EFHC1: variants seen among roughly 807,000 people sequenced by gnomAD.
EFHC1 encodes the protein EF-hand domain containing 1.
In EFHC1, 53 loss-of-function variants were observed where a neutral mutation model predicts 69.9. That is an observed-to-expected ratio of 0.76 (90% CI 0.61 to 0.95). The LOEUF is 0.95. Ranked by LOEUF, EFHC1 falls within the 40% of genes least tolerant of loss-of-function variation. EFHC1 has a pLI of 0.00. For synonymous variants in EFHC1, 256 were observed against 278.4 expected, an observed-to-expected ratio of 0.92 and a Z score of 0.80; for missense variants, 739 against 798.7, an observed-to-expected ratio of 0.93 and a Z score of 0.90.
At chr6:52,463,441 C>G (rs772595680) in intron 5 of EFHC1, among the ~76,000 whole-genome samples, 1 of 152,202 alleles carries the variant, frequency 6.6e-6, no homozygotes, top group Non-Finnish European at 1.5e-5. Context: ...TCCAGCAGAT[C>G]CAGATAATCT....
In EFHC1 at chr6:52,438,549, T is replaced by C; in HGVS notation, c.531T>C (p.Tyr177=). Residue 177 remains tyrosine, a synonymous_variant, in exon 3 of 11, where the codon TAT becomes TAC. Coordinates refer to ENST00000371068, the MANE Select transcript of EFHC1 (RefSeq NM_018100.4). ...DLNRGINITI[Y]GKTFRVVDCD... is the part of the protein sequence containing the mutation. The stretch of plus-strand genomic sequence containing the variant: ...ATCGAGGAATAAACATCACAATTTA[T>C]GGCAAAACTTTCCGCGTTGTTGACT... 1 of 1,614,046 alleles carries C rather than the reference T, an allele frequency of 6.2e-7. No homozygotes were observed. The highest frequency in any genetic ancestry group is 1.1e-5 in the South Asian group (1 of 91,080).
At chr6:52,466,886 C>T (rs1302865682) in intron 6 of EFHC1, among the ~76,000 whole-genome samples, 1 of 152,102 alleles carries the variant, frequency 6.6e-6, no homozygotes, top group Non-Finnish European at 1.5e-5. Flanking sequence ...AGTTTTTTCT[C>T]TGATAGATTT....
chr6:52,466,930 A>G (rs1176744596), intron 6 of EFHC1, among the ~76,000 whole-genome samples: 1 of 152,304 alleles, frequency 6.6e-6, no homozygotes, highest in East Asian at 1.9e-4. Context: ...ATTAAGAACA[A>G]TGATAAACCC....
At chr6:52,485,791 C>A (rs1186455797) in intron 9 of EFHC1, 4 of 152,176 alleles carry the variant, frequency 2.6e-5, no homozygotes, top group African/African-American at 9.7e-5. Flanking sequence ...AATGTTGGTA[C>A]CATGTTCCTT....
At chr6:52,446,632 G>C (rs986896206) in intron 3 of EFHC1, among the ~76,000 whole-genome samples, 1 of 152,202 alleles carries the variant, frequency 6.6e-6, no homozygotes, top group South Asian at 2.1e-4. Context: ...TTGCTCATTA[G>C]TTGATGCAGT....
chr6:52,461,405 C>CT (rs1765163292), intron 5 of EFHC1, among the ~76,000 whole-genome samples: 1 of 152,148 alleles, frequency 6.6e-6, no homozygotes, highest in East Asian at 1.9e-4. Flanking sequence ...TGATCTCATT[C>CT]TTTTTTATGG....
intron 7 of EFHC1, among the ~76,000 whole-genome samples, chr6:52,474,875 G>A (rs1309238006): frequency 6.6e-6 from 1 of 152,188 alleles, no homozygotes; most frequent in Non-Finnish European, 1.5e-5. Context: ...CCTGTTTGGT[G>A]GGGGAAGGAT....
chr6:52,476,273 C>T (rs1293469256), intron 7 of EFHC1, among the ~76,000 whole-genome samples: 1 of 152,144 alleles, frequency 6.6e-6, no homozygotes, highest in African/African-American at 2.4e-5. Context: ...TAATTCTAAA[C>T]AACATCAGTG....
chr6:52,493,384 A>ATATATATATT lies in EFHC1; in HGVS notation c.*1044_*1045insATATATATTT, dbSNP rs780992102. The ATATATATATT allele has an allele frequency of 4.5e-6, 1 of 219,914 alleles. No homozygotes were observed. Among genetic ancestry groups the ATATATATATT allele is most frequent in the Non-Finnish European group, 9.0e-6 (1 of 111,110 alleles). 13.6% of individuals were successfully genotyped at this position (219,914 alleles called of 1,614,324 possible). The stretch of plus-strand genomic sequence containing the variant: ...TCTCTACATATATATATATATATAT[A>ATATATATATT]TTTTATATGTACACATTCATACACA... On this transcript the variant is annotated 3_prime_UTR_variant, in exon 11 of 11. Transcript: ENST00000371068.
Position 52,465,054 on chromosome 6 carries a change from T to G in EFHC1, c.1076T>G (p.Phe359Cys). The G allele has an allele frequency of 1.2e-6, 2 of 1,614,118 alleles. No homozygotes were observed. The highest frequency in any genetic ancestry group is 4.5e-5 in the East Asian group (2 of 44,868). The change falls in exon 6 of 11, where the codon TTT becomes TGT. Residue 359 changes from phenylalanine (F) to cysteine (C), a missense_variant. Coordinates refer to ENST00000371068, the MANE Select transcript of EFHC1 (RefSeq NM_018100.4). ...ACTCGACGGTATTACAAAGAGAAGTTTGGAATCACTGATTTACCACGTATT... is the reference window on the plus strand; with the variant it reads ...ACTCGACGGTATTACAAAGAGAAGTGTGGAATCACTGATTTACCACGTATT... ...PFTRRYYKEK[F>C]GITDLPRIDV...
chr6:52,450,914 T>G (rs906518372), intron 3 of EFHC1, among the ~76,000 whole-genome samples: 9 of 152,192 alleles, frequency 5.9e-5, no homozygotes, highest in African/African-American at 2.2e-4. Flanking sequence ...TTCTCCTGCC[T>G]CAGCCTCCCG....
At chr6:52,488,462 A>G (rs904358063) in intron 9 of EFHC1, 1 of 152,236 alleles carries the variant, frequency 6.6e-6, no homozygotes, top group Non-Finnish European at 1.5e-5. Flanking sequence ...TGAAAATCTT[A>G]TAACTCAGAG....
chr6:52,462,876 AGACTGTCTC>A, intron 5 of EFHC1, among the ~76,000 whole-genome samples: 1 of 144,854 alleles, frequency 6.9e-6, no homozygotes, highest in African/African-American at 2.6e-5. Flanking sequence ...CAACAGGGCA[AGACTGTCTC>A]AAAAAAAAAA....
intron 3 of EFHC1, among the ~76,000 whole-genome samples, chr6:52,445,734 T>C (rs151271398): frequency 0.018 from 2,802 of 152,300 alleles, 97 homozygotes; most frequent in African/African-American, 0.064. Context: ...GCTTTAAATG[T>C]GTCCCAGAGA....
chr6:52,444,492 G>A (rs1279661139), intron 3 of EFHC1, among the ~76,000 whole-genome samples: 2 of 152,170 alleles, frequency 1.3e-5, no homozygotes, highest in African/African-American at 4.8e-5. Flanking sequence ...AGAGGTTTTA[G>A]CATGAAGGAC....
At chr6:52,441,071 C>T (rs2113981851) in intron 3 of EFHC1, among the ~76,000 whole-genome samples, 1 of 152,148 alleles carries the variant, frequency 6.6e-6, no homozygotes, top group South Asian at 2.1e-4. Flanking sequence ...TATTTCTTTC[C>T]CATTCTTTAG....
rs1433886694 is a variant in EFHC1, at chr6:52,464,889, T to C, written c.917-6T>C. On this transcript the variant is annotated splice_region_variant and splice_polypyrimidine_tract_variant and intron_variant, in intron 5 of 10. Transcript: ENST00000371068. ...TTTTTTTCTCTCTAACACCATCTTA[T>C]ATTAGAGAACTTCCCTCAGTGTGTG... The C allele has an allele frequency of 1.2e-6, 2 of 1,612,046 alleles. No homozygotes were observed. The highest frequency in any genetic ancestry group is 1.7e-6 in the Non-Finnish European group (2 of 1,178,080).
At chr6:52,444,500 G>T (rs1187861866) in intron 3 of EFHC1, among the ~76,000 whole-genome samples, 3 of 152,170 alleles carry the variant, frequency 2.0e-5, no homozygotes, top group Non-Finnish European at 4.4e-5. Flanking sequence ...TAGCATGAAG[G>T]ACTGTTGAAT....
intron 5 of EFHC1, among the ~76,000 whole-genome samples, chr6:52,458,556 A>C (rs1765094262): frequency 6.6e-6 from 1 of 152,224 alleles, no homozygotes; most frequent in African/African-American, 2.4e-5. Flanking sequence ...AAAAATGCCC[A>C]ACATCACTAA....
Sources: allele counts gnomAD v4.1 joint callset (sites outside exome capture counted in the v4.1 genomes callset), GRCh38; gene constraint gnomAD v4.1.1; transcripts MANE v1.5; gene names NCBI Gene and HGNC (gene_info 2026-07-23, HGNC 2026-07-21).